ZDHHC9: variants seen among roughly 807,000 people sequenced by gnomAD.
The protein encoded by ZDHHC9 is palmitoyltransferase ZDHHC9.
A neutral mutation model predicts 26.6 loss-of-function variants in ZDHHC9; 3 were observed. That is an observed-to-expected ratio of 0.11 (90% CI 0.05 to 0.29). The LOEUF is 0.29. Ranked by LOEUF, ZDHHC9 falls within the 10% of genes least tolerant of loss-of-function variation. The pLI is 1.00. For synonymous variants in ZDHHC9, 111 were observed against 109.4 expected (o/e 1.01, Z -0.09); for missense variants, 146 against 296.4 (o/e 0.49, Z 3.73).
intron 8 of ZDHHC9, among the ~76,000 whole-genome samples, chrX:129,812,328 G>A (rs1334667513): frequency 8.9e-6 from 1 of 111,943 alleles, no homozygotes; most frequent in African/African-American, 3.2e-5. Flanking sequence ...CAGGTGATCC[G>A]CCCGCCTCAG....
chrX:129,832,145 T>A (rs1205955763), intron 3 of ZDHHC9, among the ~76,000 whole-genome samples: 2 of 105,127 alleles, frequency 1.9e-5, no homozygotes, highest in Non-Finnish European at 3.8e-5. Context: ...TACATATATA[T>A]CTTTGTATAT....
intron 4 of ZDHHC9, among the ~76,000 whole-genome samples, chrX:129,825,268 CA>C (rs1200734203): frequency 9.3e-5 from 10 of 107,962 alleles, no homozygotes; most frequent in African/African-American, 1.3e-4. Flanking sequence ...GACTCCAACT[CA>C]AAAAAAAAAT....
intron 10 of ZDHHC9, among the ~76,000 whole-genome samples, chrX:129,809,828 T>C (rs1188813458): frequency 9.2e-6 from 1 of 108,803 alleles, no homozygotes; most frequent in African/African-American, 3.4e-5. Context: ...AGAAACCCCG[T>C]CTCTACTAAA....
At chrX:129,808,739 T>A (rs1183023945) in intron 10 of ZDHHC9, among the ~76,000 whole-genome samples, 1 of 111,905 alleles carries the variant, frequency 8.9e-6, no homozygotes, top group East Asian at 2.8e-4. Flanking sequence ...ATTTAAAAAT[T>A]TTGTGCTCCA....
At chrX:129,810,175 C>G (rs938977248) in intron 10 of ZDHHC9, among the ~76,000 whole-genome samples, 3 of 107,077 alleles carry the variant, frequency 2.8e-5, no homozygotes, top group African/African-American at 1.0e-4. Flanking sequence ...ATGGTGAAAC[C>G]CTGTCTCTAG....
In ZDHHC9 at chrX:129,810,297, G is replaced by A. The variant is rs769221607; in HGVS notation, c.978+608C>T. Among the ~76,000 whole-genome samples, 6 of 107,646 alleles carry A rather than the reference G, an allele frequency of 5.6e-5. No homozygotes were observed. In the South Asian group the frequency reaches 2.0e-3, roughly 36 times the overall value. 93.5% of individuals were successfully genotyped at this position (107,646 alleles called of 115,157 possible). ...GGGAGGTGGAGTTGCAATGAGCCGA[G>A]ATCACACCACTGCACTCCAGCCTGG... On this transcript the variant is annotated intron_variant, in intron 10 of 10. Transcript: ENST00000357166.
rs1003200895 is a variant in ZDHHC9 at position 129,808,876 on chromosome X, GACAA to G, written c.978+2025_978+2028del. Among the ~76,000 whole-genome samples, 41 of 111,879 alleles carry G rather than the reference GACAA, an allele frequency of 3.7e-4. No homozygotes were observed. The Admixed American group carries it at 3.8e-3, about 10-fold the overall frequency. ...ACTCTTACAACTCAACAATAAAAAA[GACAA>G]ACAATCCAATTAAAAAATAGACAAA... On this transcript the variant is annotated intron_variant, in intron 10 of 10. Coordinates refer to ENST00000357166, the MANE Select transcript of ZDHHC9 (RefSeq NM_016032.4).
chrX:129,833,951 T>C (rs927635489), intron 3 of ZDHHC9, among the ~76,000 whole-genome samples: 1 of 112,229 alleles, frequency 8.9e-6, no homozygotes, highest in African/African-American at 3.2e-5. Flanking sequence ...CCATCTGTCC[T>C]CTTACTACCT....
intron 5 of ZDHHC9, among the ~76,000 whole-genome samples, chrX:129,817,830 G>A (rs751642138): frequency 1.0e-4 from 11 of 110,209 alleles, no homozygotes; most frequent in South Asian, 3.8e-4. Context: ...ATATTCCACC[G>A]TATGTACATA....
At chrX:129,818,516 A>G (rs1927808389) in intron 5 of ZDHHC9, among the ~76,000 whole-genome samples, 2 of 112,738 alleles carry the variant, frequency 1.8e-5, no homozygotes, top group African/African-American at 3.2e-5. Flanking sequence ...CTTAAGTTTA[A>G]TAATTATGAT....
chrX:129,812,690 T>C, intron 8 of ZDHHC9, 28 bp downstream of exon 8: 1 of 1,112,293 alleles, frequency 9.0e-7, no homozygotes, highest in South Asian at 1.8e-5. Flanking sequence ...GAAGAATATG[T>C]GGTGAGGAGA....
chrX:129,832,072 A>G (rs1349302629), intron 3 of ZDHHC9, among the ~76,000 whole-genome samples: 6 of 110,275 alleles, frequency 5.4e-5, no homozygotes, highest in Admixed American at 9.8e-5. Context: ...AAGGTAATAC[A>G]TATGTTAATT....
intron 5 of ZDHHC9, among the ~76,000 whole-genome samples, chrX:129,818,665 A>T (rs1881057567): frequency 1.8e-5 from 2 of 112,463 alleles, no homozygotes; most frequent in South Asian, 7.3e-4. Flanking sequence ...TTTATTAAAG[A>T]TGTAGAAAAA....
chrX:129,807,741 C>T (rs1050395274), intron 10 of ZDHHC9, among the ~76,000 whole-genome samples: 12 of 111,686 alleles, frequency 1.1e-4, no homozygotes, highest in African/African-American at 3.6e-4. Flanking sequence ...ATCACTTGAA[C>T]CCAGGAGGTG....
intron 5 of ZDHHC9, among the ~76,000 whole-genome samples, chrX:129,816,368 G>A (rs1176433207): frequency 9.1e-6 from 1 of 110,350 alleles, no homozygotes; most frequent in African/African-American, 3.3e-5. Context: ...GGATACTTAG[G>A]GACGACTGTA....
Position 129,808,888 on chromosome X carries a change from A to C in ZDHHC9, c.978+2017T>G, listed in dbSNP as rs955982506. 3.6e-5 allele frequency among the ~76,000 whole-genome samples: 4 copies of C among 112,465 alleles called. No individual in the cohort carries two copies. In the Admixed American group the frequency reaches 3.8e-4, roughly 11 times the overall value. ...CAACAATAAAAAAGACAAACAATCC[A>C]ATTAAAAAATAGACAAAAGCTCTGA... On this transcript the variant is annotated intron_variant, in intron 10 of 10. Transcript: ENST00000357166.
chrX:129,842,635 G>A (rs1407636704), intron 2 of ZDHHC9, among the ~76,000 whole-genome samples: 1 of 112,884 alleles, frequency 8.9e-6, no homozygotes, highest in East Asian at 2.8e-4. Context: ...AATCACAGCA[G>A]GGAACAAGTC....
intron 5 of ZDHHC9, chrX:129,822,806 T>C (rs2030543666): frequency 1.8e-5 from 2 of 111,268 alleles, no homozygotes; most frequent in Non-Finnish European, 3.8e-5. Flanking sequence ...GGATGCCACA[T>C]GGTATACAGA....
At chrX:129,837,509 G>A (rs140625355) in intron 3 of ZDHHC9, among the ~76,000 whole-genome samples, 1,655 of 112,476 alleles carry the variant, frequency 0.015, 36 homozygotes, top group African/African-American at 0.05. Flanking sequence ...GAAAAGTATT[G>A]TTTGTATTGA....
Sources: allele counts gnomAD v4.1 joint callset (sites outside exome capture counted in the v4.1 genomes callset), GRCh38; gene constraint gnomAD v4.1.1; transcripts MANE v1.5; gene names NCBI Gene and HGNC (gene_info 2026-07-23, HGNC 2026-07-21).